Variants in HTR4 observed in about 807,000 individuals in gnomAD.
HTR4 encodes 5-hydroxytryptamine (serotonin) receptor 4, G protein-coupled.
Under a neutral mutation model 36.8 loss-of-function variants are expected in HTR4, and 16 were observed. That is an observed-to-expected ratio of 0.43 (90% CI 0.29 to 0.66). The LOEUF is 0.66. Ranked by LOEUF, HTR4 falls within the 30% of genes least tolerant of loss-of-function variation. The pLI is 0.13. For synonymous variants in HTR4, 189 were observed against 185.1 expected, an observed-to-expected ratio of 1.02 and a Z score of -0.17; for missense variants, 438 against 490.9, an observed-to-expected ratio of 0.89 and a Z score of 1.02.
chr5:148,507,488 C>T lies in HTR4; in HGVS notation c.1076+1968G>A, dbSNP rs142499575. 1.9e-3 allele frequency among the ~76,000 whole-genome samples: 285 copies of T among 150,496 alleles called. 9 individuals carry two copies. The East Asian group carries it at 0.036, about 19-fold the overall frequency. The stretch of plus-strand genomic sequence containing the variant: ...TGTATACATATGTAAGAAACCTGCA[C>T]GTTGTGGACATGTACCCTAGAACTT... On this transcript the variant is annotated intron_variant, in intron 6 of 6. Coordinates refer to ENST00000377888, the MANE Select transcript of HTR4 (RefSeq NM_000870.7).
At position 148,654,299 on chromosome 5, in the gene HTR4, G is replaced by C. The variant is rs1410362583; in HGVS notation, c.-285C>G. 1.3e-5 allele frequency: 13 copies of C among 984,672 alleles called. No homozygotes were observed. The highest frequency in any genetic ancestry group is 1.6e-5 in the Non-Finnish European group (13 of 829,304). 61.0% of individuals were successfully genotyped at this position (984,672 alleles called of 1,614,324 possible). A position where few individuals can be genotyped will look rare whatever the true frequency, so the allele number is the denominator to read the frequency against. On this transcript the variant is annotated 5_prime_UTR_variant, in exon 1 of 7. Transcript: ENST00000377888. ...GCCCCGGATCACCTGGGCTCGCCGC[G>C]CATCGTCCTTCTCCCCAACCGAGCC...
intron 4 of HTR4, among the ~76,000 whole-genome samples, chr5:148,544,193 C>T (rs1436471918): frequency 6.6e-6 from 1 of 152,148 alleles, no homozygotes; most frequent in Non-Finnish European, 1.5e-5. Context: ...CAAATAACCA[C>T]CTGTTAACGA....
rs201789903 is a variant in HTR4 at position 148,483,121 on chromosome 5, G to C, written c.*82C>G. 6.9e-5 allele frequency: 110 copies of C among 1,598,082 alleles called. No homozygotes were observed. The highest frequency in any genetic ancestry group is 8.9e-5 in the Non-Finnish European group (104 of 1,171,038). ...AAGCCTCAGGTGAAGAGAATACCGG[G>C]TGCAGTCGCGCACAAGCAGCAGCTT... On this transcript the variant is annotated 3_prime_UTR_variant, in exon 7 of 7. Coordinates refer to ENST00000377888, the MANE Select transcript of HTR4 (RefSeq NM_000870.7).
At chr5:148,495,068 T>G (rs1756625435) in intron 6 of HTR4, among the ~76,000 whole-genome samples, 1 of 152,152 alleles carries the variant, frequency 6.6e-6, no homozygotes, top group African/African-American at 2.4e-5. Flanking sequence ...TGTCCTAGGT[T>G]TGAGTAAGAT....
chr5:148,645,074 T>C (rs1753841153), intron 1 of HTR4: 1 of 152,230 alleles, frequency 6.6e-6, no homozygotes. Flanking sequence ...TTAAGGAAAA[T>C]TAATTGATCT....
intron 4 of HTR4, among the ~76,000 whole-genome samples, chr5:148,537,937 G>A (rs1200056878): frequency 6.6e-6 from 1 of 150,390 alleles, no homozygotes; most frequent in Non-Finnish European, 1.5e-5. Context: ...ACAACAAGAA[G>A]TCAGGCCAGT....
chr5:148,476,814 A>T (rs1399263272), downstream of HTR4: 2 of 1,607,506 alleles, frequency 1.2e-6, no homozygotes, highest in African/African-American at 2.7e-5. Context: ...ATGTCACAGG[A>T]GAAGAACAAA....
intron 2 of HTR4, among the ~76,000 whole-genome samples, chr5:148,579,657 C>T (rs1432552721): frequency 1.3e-5 from 2 of 151,994 alleles, no homozygotes; most frequent in African/African-American, 4.8e-5. Context: ...ATTCCCTTTT[C>T]AGCTCACATG....
At chr5:148,539,481 T>C (rs1461811564) in intron 4 of HTR4, among the ~76,000 whole-genome samples, 1 of 151,960 alleles carries the variant, frequency 6.6e-6, no homozygotes, top group East Asian at 1.9e-4. Flanking sequence ...CTGACAAAGG[T>C]CTAATATCCA....
intron 2 of HTR4, among the ~76,000 whole-genome samples, chr5:148,578,402 T>C (rs1039684102): frequency 6.6e-6 from 1 of 152,116 alleles, no homozygotes. Flanking sequence ...AGTTATCTAC[T>C]GTTAGTTATT....
At chr5:148,534,793 C>T (rs185541358) in intron 4 of HTR4, among the ~76,000 whole-genome samples, 99 of 152,188 alleles carry the variant, frequency 6.5e-4, no homozygotes, top group African/African-American at 2.4e-3. Context: ...ACCTCAATCT[C>T]TCTGGGGTGG....
chr5:148,603,871 G>T (rs1488952243), intron 2 of HTR4, among the ~76,000 whole-genome samples: 1 of 151,976 alleles, frequency 6.6e-6, no homozygotes, highest in African/African-American at 2.4e-5. Context: ...AATAGGATTT[G>T]GAAATAGCCC....
At chr5:148,561,171 G>A (rs1341414718) in intron 2 of HTR4, among the ~76,000 whole-genome samples, 2 of 152,096 alleles carry the variant, frequency 1.3e-5, no homozygotes, top group African/African-American at 4.8e-5. Context: ...AATTCTTGAG[G>A]CAAAATCTTA....
chr5:148,452,942 A>G (rs764078858), intron 5 of HTR4, among the ~76,000 whole-genome samples: 1 of 152,162 alleles, frequency 6.6e-6, no homozygotes, highest in Non-Finnish European at 1.5e-5. Flanking sequence ...CCTCCAAACC[A>G]TGCCTTGCGT....
chr5:148,486,801 C>T (rs1019880411), intron 6 of HTR4, among the ~76,000 whole-genome samples: 1 of 152,160 alleles, frequency 6.6e-6, no homozygotes, highest in African/African-American at 2.4e-5. Context: ...ATTAAAGAAT[C>T]TGAAAGACCT....
At chr5:148,544,216 T>G (rs1759257542) in intron 4 of HTR4, among the ~76,000 whole-genome samples, 1 of 152,032 alleles carries the variant, frequency 6.6e-6, no homozygotes, top group Non-Finnish European at 1.5e-5. Context: ...TGGTGAAAAT[T>G]CATTCATGAT....
At chr5:148,454,068 G>C (rs1177061826) in intron 5 of HTR4, among the ~76,000 whole-genome samples, 2 of 152,208 alleles carry the variant, frequency 1.3e-5, no homozygotes, top group Non-Finnish European at 2.9e-5. Flanking sequence ...TTGTCAGCTA[G>C]AGGGCTGCGT....
intron 5 of HTR4, among the ~76,000 whole-genome samples, chr5:148,519,665 T>C (rs1262695253): frequency 6.6e-6 from 1 of 152,218 alleles, no homozygotes; most frequent in Non-Finnish European, 1.5e-5. Flanking sequence ...TTTGTAGACA[T>C]GCATGTGCAC....
chr5:148,629,347 C>G (rs142182370), intron 2 of HTR4: 1 of 152,314 alleles, frequency 6.6e-6, no homozygotes, highest in East Asian at 1.9e-4. Flanking sequence ...TGAAATACTT[C>G]TATCTCAAGC....
Sources: allele counts gnomAD v4.1 joint callset (sites outside exome capture counted in the v4.1 genomes callset), GRCh38; gene constraint gnomAD v4.1.1; transcripts MANE v1.5; gene names NCBI Gene and HGNC (gene_info 2026-07-23, HGNC 2026-07-21).